The following MED12L variants were observed in gnomAD, a reference collection of about 807,000 sequenced individuals.
MED12L encodes the protein mediator complex subunit 12L.
MED12L carries 60 observed loss-of-function variants against 281.3 expected under a neutral mutation model. That is an observed-to-expected ratio of 0.21 (90% CI 0.17 to 0.26). MED12L has a LOEUF of 0.26. MED12L is among the 10% of genes least tolerant of loss of function. The pLI, the probability that MED12L is intolerant of heterozygous loss-of-function variation, is 1.00. For missense variants in MED12L, 2,146 were observed against 2,680.9 expected (o/e 0.80, Z 4.41); for synonymous variants, 974 against 987.2 (o/e 0.99, Z 0.25).
chr3:151,141,671 A>G (rs1475736767), intron 5 of MED12L, among the ~76,000 whole-genome samples: 1 of 152,106 alleles, frequency 6.6e-6, no homozygotes, highest in Non-Finnish European at 1.5e-5. Flanking sequence ...GGGATTTTTT[A>G]CTCTGTTTTT....
At chr3:151,246,385 A>C (rs969119717) in intron 16 of MED12L, among the ~76,000 whole-genome samples, 1 of 152,082 alleles carries the variant, frequency 6.6e-6, no homozygotes, top group African/African-American at 2.4e-5. Context: ...ACAAGGCTAC[A>C]GTAACCAAAA....
At chr3:151,290,727 C>A (rs1393254863) in intron 16 of MED12L, among the ~76,000 whole-genome samples, 3 of 151,716 alleles carry the variant, frequency 2.0e-5, no homozygotes, top group African/African-American at 7.3e-5. Context: ...TAGGCAGCTG[C>A]AGGATACACA....
rs576527573 is a variant in MED12L at position 151,343,105 on chromosome 3, G to A, written c.2251-6954G>A. ...CCTCTCCCACTAAGAGGCCCCAGTA[G>A]TGAGAAGTGAATCTCGTGTGGGATG... On this transcript the variant is annotated intron_variant, in intron 16 of 44. Transcript: ENST00000687756. Among the ~76,000 whole-genome samples, 11 of 152,210 alleles carry A rather than the reference G, an allele frequency of 7.2e-5. No homozygotes were observed. In the South Asian group the frequency reaches 1.2e-3, roughly 17 times the overall value.
chr3:151,361,925 T>C (rs1754657516), intron 21 of MED12L, among the ~76,000 whole-genome samples: 1 of 152,174 alleles, frequency 6.6e-6, no homozygotes, highest in Admixed American at 6.6e-5. Flanking sequence ...TTTAATGTTA[T>C]TTTGAGGACA....
rs940317783 is a variant in MED12L, at chr3:151,434,709, A to G, written c.*1905A>G. The G allele has an allele frequency of 6.6e-6, 1 of 152,214 alleles. No individual in the cohort carries two copies. The highest frequency in any genetic ancestry group is 1.5e-5 in the Non-Finnish European group (1 of 68,018). The allele number at this position is 152,214 out of a possible 1,614,324, so 9.4% of individuals were successfully genotyped here. A position where few individuals can be genotyped will look rare whatever the true frequency, so the allele number is the denominator to read the frequency against. On this transcript the variant is annotated 3_prime_UTR_variant, in exon 45 of 45. Transcript: ENST00000687756. ...AGTGAGTGAGTCATGTTCCATCATT[A>G]TTTCTTTCCAAATTTCTTTGCCAGT...
chr3:151,098,900 G>A (rs188149475), intron 2 of MED12L, among the ~76,000 whole-genome samples: 2 of 152,290 alleles, frequency 1.3e-5, no homozygotes, highest in East Asian at 1.9e-4. Flanking sequence ...TGCACTCGCA[G>A]TTCCATGTGG....
chr3:151,227,854 A>C (rs1730845990), intron 16 of MED12L, among the ~76,000 whole-genome samples: 1 of 152,096 alleles, frequency 6.6e-6, no homozygotes. Context: ...CTTTGTGGGT[A>C]GGCTGTCTTG....
intron 16 of MED12L, chr3:151,300,061 G>C (rs1212387683): frequency 6.3e-7 from 1 of 1,585,796 alleles, no homozygotes; most frequent in South Asian, 1.1e-5. Flanking sequence ...TCTTACGACG[G>C]CTTACTTGGT....
chr3:151,208,171 A>G (rs1247142026), intron 16 of MED12L, among the ~76,000 whole-genome samples: 1 of 152,222 alleles, frequency 6.6e-6, no homozygotes, highest in Non-Finnish European at 1.5e-5. Flanking sequence ...TATGAACTAC[A>G]CTTGGCCATG....
At chr3:151,215,613 A>T (rs1383932944) in intron 16 of MED12L, among the ~76,000 whole-genome samples, 1 of 152,160 alleles carries the variant, frequency 6.6e-6, no homozygotes, top group East Asian at 1.9e-4. Flanking sequence ...TGATGTCGGA[A>T]GTGTTGATTT....
intron 16 of MED12L, among the ~76,000 whole-genome samples, chr3:151,289,855 A>G (rs1319714354): frequency 1.3e-5 from 2 of 151,812 alleles, no homozygotes; most frequent in Non-Finnish European, 2.9e-5. Flanking sequence ...TGCCCAGACT[A>G]CAACCACTGA....
intron 4 of MED12L, among the ~76,000 whole-genome samples, chr3:151,123,742 T>C (rs1477837994): frequency 2.6e-5 from 4 of 152,206 alleles, no homozygotes; most frequent in African/African-American, 9.6e-5. Context: ...CTTCTGTTCT[T>C]AGTATTAAGT....
chr3:151,374,436 T>G (rs919900986), intron 27 of MED12L, among the ~76,000 whole-genome samples: 2 of 152,068 alleles, frequency 1.3e-5, no homozygotes, highest in Non-Finnish European at 2.9e-5. Context: ...TCATCCCAGC[T>G]ACTTGGGAGG....
chr3:151,101,634 G>A (rs1381140994), intron 2 of MED12L, among the ~76,000 whole-genome samples: 1 of 151,580 alleles, frequency 6.6e-6, no homozygotes, highest in Non-Finnish European at 1.5e-5. Context: ...AAAGCTGGAA[G>A]GGAGGAGGAG....
chr3:151,411,556 G>C (rs559767025), intron 41 of MED12L, 49 bp downstream of exon 41: 1 of 1,536,698 alleles, frequency 6.5e-7, no homozygotes, highest in Non-Finnish European at 9.0e-7. Context: ...TCACATTCTC[G>C]GGTTTCTTAT....
intron 5 of MED12L, 68 bp downstream of exon 5, chr3:151,128,052 C>T: frequency 7.2e-7 from 1 of 1,389,086 alleles, no homozygotes. Flanking sequence ...TGCCTGTACC[C>T]TCTGGATACA....
At chr3:151,366,194 A>G (rs1277877527) in intron 23 of MED12L, among the ~76,000 whole-genome samples, 1 of 152,356 alleles carries the variant, frequency 6.6e-6, no homozygotes, top group East Asian at 1.9e-4. Context: ...AATAGAATGC[A>G]TAGTTTAATC....
chr3:151,219,288 G>C (rs564459215), intron 16 of MED12L, among the ~76,000 whole-genome samples: 9 of 152,284 alleles, frequency 5.9e-5, no homozygotes, highest in African/African-American at 1.9e-4. Context: ...TTGATACAAG[G>C]CTGTGCAAAG....
chr3:151,182,225 T>A (rs1319785247), intron 11 of MED12L, among the ~76,000 whole-genome samples: 1 of 152,182 alleles, frequency 6.6e-6, no homozygotes, highest in East Asian at 1.9e-4. Flanking sequence ...TTTTACTTTT[T>A]AAAATTCGTT....
Sources: allele counts gnomAD v4.1 joint callset (sites outside exome capture counted in the v4.1 genomes callset), GRCh38; gene constraint gnomAD v4.1.1; transcripts MANE v1.5; gene names NCBI Gene and HGNC (gene_info 2026-07-23, HGNC 2026-07-21).